LEPR: variants seen among roughly 807,000 people sequenced by gnomAD.
LEPR encodes leptin receptor, also known as OB receptor.
LEPR carries 56 observed loss-of-function variants against 114.7 expected under a neutral mutation model. That is an observed-to-expected ratio of 0.49 (90% CI 0.39 to 0.61). LEPR has a LOEUF of 0.61. Ranked by LOEUF, LEPR falls within the 20% of genes least tolerant of loss-of-function variation. LEPR has a pLI of 0.00. For synonymous variants in LEPR, 443 were observed against 461.4 expected, an observed-to-expected ratio of 0.96 and a Z score of 0.51; for missense variants, 1,202 against 1,352.9, an observed-to-expected ratio of 0.89 and a Z score of 1.75.
chr1:65,570,882 G>A, intron 4 of LEPR, 80 bp downstream of exon 4: 2 of 1,219,286 alleles, frequency 1.6e-6, no homozygotes, highest in Non-Finnish European at 1.1e-6. Flanking sequence ...ATGTCTTATG[G>A]CTATGATTTT....
chr1:65,566,838 C>T (rs548563084), intron 3 of LEPR, among the ~76,000 whole-genome samples: 2 of 152,286 alleles, frequency 1.3e-5, no homozygotes, highest in Admixed American at 6.5e-5. Flanking sequence ...TTGCAGCCAT[C>T]TGTATATTTC....
intron 2 of LEPR, among the ~76,000 whole-genome samples, chr1:65,463,040 T>C (rs113793307): frequency 0.074 from 11,206 of 152,278 alleles, 506 homozygotes; most frequent in African/African-American, 0.12. Flanking sequence ...TTGCTATTGC[T>C]TTTGGTGTTT....
At chr1:65,421,349 A>G (rs1646246029) in intron 1 of LEPR, 5 of 1,535,882 alleles carry the variant, frequency 3.3e-6, no homozygotes, top group Non-Finnish European at 4.4e-6. Context: ...GTGTGTGTGT[A>G]GTATGTGTTT....
At chr1:65,617,203 T>C (rs1475425060) in intron 15 of LEPR, among the ~76,000 whole-genome samples, 1 of 152,084 alleles carries the variant, frequency 6.6e-6, no homozygotes, top group East Asian at 1.9e-4. Flanking sequence ...GAAATAATCA[T>C]ACAAGTGAAT....
chr1:65,505,985 A>C (rs1648706365), intron 2 of LEPR, among the ~76,000 whole-genome samples: 2 of 152,188 alleles, frequency 1.3e-5, no homozygotes, highest in Admixed American at 1.3e-4. Flanking sequence ...TTTGTGAAAC[A>C]ATGTTGATAA....
intron 2 of LEPR, among the ~76,000 whole-genome samples, chr1:65,476,531 A>G (rs565572558): frequency 1.3e-5 from 2 of 152,192 alleles, no homozygotes; most frequent in South Asian, 2.1e-4. Flanking sequence ...GTTTTTGCCA[A>G]TGTATTTTTC....
chr1:65,456,625 G>A (rs1646880001), intron 2 of LEPR, among the ~76,000 whole-genome samples: 1 of 152,064 alleles, frequency 6.6e-6, no homozygotes, highest in South Asian at 2.1e-4. Flanking sequence ...AATTAATAGA[G>A]GTACTCTTGT....
intron 1 of LEPR, among the ~76,000 whole-genome samples, chr1:65,422,305 C>G (rs1338282405): frequency 6.6e-6 from 1 of 152,136 alleles, no homozygotes; most frequent in East Asian, 1.9e-4. Context: ...TGGAGTGATG[C>G]AGCTACAAAG....
At position 65,605,090 on chromosome 1, in the gene LEPR, A is replaced by C. The variant is rs1656726577; in HGVS notation, c.1456A>C (p.Lys486Gln). ...IPSIHPISEP[K>Q]DCYLQSDGFY... ...ATCTATTCATCCCATATCTGAGCCC[A>C]AAGATTGCTATTTGCAGAGTGATGG... The change falls in exon 11 of 20, where the codon AAA (lysine) becomes CAA (glutamine). Residue 486 changes from lysine (K) to glutamine (Q), a missense_variant. Physicochemically the swap from Lys to Gln is moderately conservative, Grantham distance 53 (BLOSUM62 1). Coordinates refer to ENST00000349533, the MANE Select transcript of LEPR (RefSeq NM_002303.6). 4 of 1,613,936 alleles carry C rather than the reference A, an allele frequency of 2.5e-6. No homozygotes were observed. Among genetic ancestry groups the C allele is most frequent in the East Asian group, 2.2e-5 (1 of 44,878 alleles).
At chr1:65,557,204 T>A (rs932668443) in intron 2 of LEPR, among the ~76,000 whole-genome samples, 1 of 152,184 alleles carries the variant, frequency 6.6e-6, no homozygotes, top group African/African-American at 2.4e-5. Context: ...TAGGATTATT[T>A]GTACTCTTCT....
At chr1:65,595,768 A>G (rs1304582257) in intron 6 of LEPR, among the ~76,000 whole-genome samples, 1 of 152,146 alleles carries the variant, frequency 6.6e-6, no homozygotes, top group Non-Finnish European at 1.5e-5. Flanking sequence ...AAGAAAATGC[A>G]TCGATTTTCT....
chr1:65,516,398 C>A (rs1305925179), intron 2 of LEPR, among the ~76,000 whole-genome samples: 3 of 152,074 alleles, frequency 2.0e-5, no homozygotes, highest in Admixed American at 2.0e-4. Flanking sequence ...GAGCCGAGAT[C>A]ACTCCACTGC....
chr1:65,570,839 G>T, intron 4 of LEPR, 37 bp downstream of exon 4: 1 of 1,480,340 alleles, frequency 6.8e-7, no homozygotes, highest in Admixed American at 2.4e-5. Flanking sequence ...ATTGAACAAT[G>T]TTTTTTAATT....
chr1:65,547,310 T>C (rs938994768), intron 2 of LEPR, among the ~76,000 whole-genome samples: 2 of 152,272 alleles, frequency 1.3e-5, no homozygotes, highest in Admixed American at 6.5e-5. Context: ...ATCAGGATGA[T>C]GCTGGCCTCA....
At chr1:65,519,472 G>A (rs1030456491) in intron 2 of LEPR, among the ~76,000 whole-genome samples, 6 of 151,850 alleles carry the variant, frequency 4.0e-5, no homozygotes, top group African/African-American at 4.8e-5. Flanking sequence ...TTTCATGTCC[G>A]TATTTCTATC....
At chr1:65,554,144 C>T (rs1652639559) in intron 2 of LEPR, among the ~76,000 whole-genome samples, 1 of 152,272 alleles carries the variant, frequency 6.6e-6, no homozygotes, top group Admixed American at 6.5e-5. Context: ...TGTCTGTTGA[C>T]CCCTGCTGGG....
chr1:65,531,914 G>A (rs1379199590), intron 2 of LEPR, among the ~76,000 whole-genome samples: 2 of 151,994 alleles, frequency 1.3e-5, no homozygotes, highest in African/African-American at 2.4e-5. Flanking sequence ...GACAAATTAC[G>A]GGCTAGCAGG....
At chr1:65,500,434 T>C (rs569756054) in intron 2 of LEPR, among the ~76,000 whole-genome samples, 7 of 152,258 alleles carry the variant, frequency 4.6e-5, no homozygotes, top group African/African-American at 1.7e-4. Context: ...AACAGTGCAG[T>C]TTCACTTATA....
At chr1:65,500,275 A>C (rs999443575) in intron 2 of LEPR, among the ~76,000 whole-genome samples, 3 of 152,152 alleles carry the variant, frequency 2.0e-5, no homozygotes, top group Admixed American at 1.3e-4. Flanking sequence ...AGACTAATAC[A>C]GACCCCCCCA....
Sources: allele counts gnomAD v4.1 joint callset (sites outside exome capture counted in the v4.1 genomes callset), GRCh38; gene constraint gnomAD v4.1.1; transcripts MANE v1.5; gene names NCBI Gene and HGNC (gene_info 2026-07-23, HGNC 2026-07-21).